The following LARGE1 variants were observed in gnomAD, a reference collection of about 807,000 sequenced individuals.
The protein encoded by LARGE1 is xylosyl- and glucuronyltransferase LARGE1.
In LARGE1, 43 loss-of-function variants were observed where a neutral mutation model predicts 87.6. The observed-to-expected ratio is 0.49, with a 90% CI of 0.38 to 0.63. LARGE1 has a LOEUF of 0.63. Among genes scored for constraint, LARGE1 ranks in the 30% least tolerant of loss-of-function variants. The pLI is 0.00. For missense variants in LARGE1, 802 were observed against 1,000.2 expected (o/e 0.80, Z 2.67); for synonymous variants, 434 against 394.6 (o/e 1.10, Z -1.18).
chr22:33,106,640 C>T, the LARGE1 span, among the ~76,000 whole-genome samples: 1 of 152,112 alleles, frequency 6.6e-6, no homozygotes, highest in Admixed American at 6.6e-5. Context: ...GGATTACAGG[C>T]ATGTGCCACC....
chr22:33,654,464 T>C (rs2080905558), intron 2 of LARGE1, among the ~76,000 whole-genome samples: 1 of 152,212 alleles, frequency 6.6e-6, no homozygotes, highest in Non-Finnish European at 1.5e-5. Flanking sequence ...TGATCAGAAG[T>C]GAATAGTGGG....
At chr22:33,589,396 C>T (rs1464862077) in intron 5 of LARGE1, among the ~76,000 whole-genome samples, 1 of 151,950 alleles carries the variant, frequency 6.6e-6, no homozygotes, top group Non-Finnish European at 1.5e-5. Context: ...TGTTGTATAC[C>T]TTTACTCATT....
rs1215617197 is a variant in LARGE1 at position 33,274,246 on chromosome 22, G to C, written c.*181C>G. The stretch of plus-strand genomic sequence containing the variant: ...TGGGAATGCAGGGTTGTGGGGCAGA[G>C]AGGGACTGGCTGGATCCTTGTCCAA... On this transcript the variant is annotated 3_prime_UTR_variant, in exon 15 of 15. Transcript: ENST00000397394. 28 of 671,264 alleles carry C rather than the reference G, an allele frequency of 4.2e-5. No homozygotes were observed. The highest frequency in any genetic ancestry group is 6.9e-5 in the Non-Finnish European group (26 of 376,338). 41.6% of individuals were successfully genotyped at this position (671,264 alleles called of 1,614,324 possible).
chr22:33,744,596 C>T (rs904337819), intron 2 of LARGE1, among the ~76,000 whole-genome samples: 47 of 152,242 alleles, frequency 3.1e-4, no homozygotes, highest in Admixed American at 2.7e-3. Flanking sequence ...TCTGGCCCTA[C>T]AGGGCCCTAT....
intron 12 of LARGE1, among the ~76,000 whole-genome samples, chr22:33,285,918 G>C (rs1301952542): frequency 6.6e-6 from 1 of 152,178 alleles, no homozygotes; most frequent in Admixed American, 6.5e-5. Context: ...GTGGTTAATG[G>C]ATCTCACCAG....
intron 6 of LARGE1, among the ~76,000 whole-genome samples, chr22:33,548,260 G>A (rs2077422386): frequency 6.6e-6 from 1 of 152,136 alleles, no homozygotes; most frequent in African/African-American, 2.4e-5. Context: ...TTTTGCTTCT[G>A]CCATGTAAGA....
intron 10 of LARGE1, 80 bp from the exon 11 acceptor site, chr22:33,316,328 C>G: frequency 7.0e-7 from 1 of 1,423,186 alleles, no homozygotes. Flanking sequence ...GAGCCCTGCC[C>G]TCCCCTGAGT....
chr22:33,097,845 G>A, the LARGE1 span, among the ~76,000 whole-genome samples: 138 of 152,278 alleles, frequency 9.1e-4, no homozygotes, highest in African/African-American at 3.2e-3. Flanking sequence ...TGGTATGTTT[G>A]TCCAGTCCTT....
chr22:33,184,016 C>T (rs1923335295), intron 11 of LARGE1, among the ~76,000 whole-genome samples: 1 of 145,228 alleles, frequency 6.9e-6, no homozygotes, highest in Non-Finnish European at 1.5e-5. Context: ...CTCACCAACC[C>T]TAACCCCCAC....
intron 6 of LARGE1, among the ~76,000 whole-genome samples, chr22:33,503,381 C>T (rs540335817): frequency 4.6e-5 from 7 of 150,908 alleles, no homozygotes; most frequent in African/African-American, 7.3e-5. Flanking sequence ...CTCAGCCTCC[C>T]GAGTAGCTGG....
intron 9 of LARGE1, among the ~76,000 whole-genome samples, chr22:33,355,283 G>A (rs1940786123): frequency 6.6e-6 from 1 of 152,144 alleles, no homozygotes; most frequent in Admixed American, 6.5e-5. Context: ...CACATTATGT[G>A]GAAATTAGCA....
chr22:33,250,297 T>C (rs1304929417), intron 11 of LARGE1, among the ~76,000 whole-genome samples: 1 of 152,226 alleles, frequency 6.6e-6, no homozygotes, highest in Non-Finnish European at 1.5e-5. Context: ...AATAGTCTTG[T>C]GTTTTTAATT....
chr22:33,087,892 C>A, the LARGE1 span, among the ~76,000 whole-genome samples: 1 of 152,152 alleles, frequency 6.6e-6, no homozygotes. Context: ...CCAGATCGTG[C>A]CACTGTGCTC....
chr22:33,734,474 G>T (rs2083583915), intron 2 of LARGE1, among the ~76,000 whole-genome samples: 1 of 152,134 alleles, frequency 6.6e-6, no homozygotes, highest in South Asian at 2.1e-4. Flanking sequence ...CTTGATGCTG[G>T]ACTTCATCCT....
intron 12 of LARGE1, among the ~76,000 whole-genome samples, chr22:33,288,524 C>T (rs1168326081): frequency 6.6e-6 from 1 of 152,154 alleles, no homozygotes; most frequent in East Asian, 1.9e-4. Flanking sequence ...ATACTATATA[C>T]ATCTCCTATT....
intron 9 of LARGE1, among the ~76,000 whole-genome samples, chr22:33,353,456 T>C (rs145898879): frequency 8.0e-4 from 121 of 152,140 alleles, no homozygotes; most frequent in Non-Finnish European, 1.5e-3. Flanking sequence ...GATAATATGG[T>C]AACAAAATGA....
intron 1 of LARGE1, among the ~76,000 whole-genome samples, chr22:33,874,639 C>T (rs1276744303): frequency 6.6e-6 from 1 of 152,194 alleles, no homozygotes; most frequent in Non-Finnish European, 1.5e-5. Flanking sequence ...TTCCACCCAA[C>T]GATCACTGGA....
the LARGE1 span, among the ~76,000 whole-genome samples, chr22:33,090,852 C>A: frequency 1.3e-5 from 2 of 152,182 alleles, no homozygotes; most frequent in African/African-American, 4.8e-5. Context: ...CTTTCCAAAG[C>A]ATTGGTACCA....
chr22:33,114,660 A>G, the LARGE1 span, among the ~76,000 whole-genome samples: 8 of 152,358 alleles, frequency 5.3e-5, no homozygotes, highest in Middle Eastern at 3.4e-3. Flanking sequence ...TTCACATTTA[A>G]CTGAGTTAAA....
Sources: allele counts gnomAD v4.1 joint callset (sites outside exome capture counted in the v4.1 genomes callset), GRCh38; gene constraint gnomAD v4.1.1; transcripts MANE v1.5; gene names NCBI Gene and HGNC (gene_info 2026-07-23, HGNC 2026-07-21).